Variants in FNBP1 observed in about 807,000 individuals in gnomAD.
The protein encoded by FNBP1 is formin binding protein 1, also known as formin-binding protein 1.
Under a neutral mutation model 90.6 loss-of-function variants are expected in FNBP1, and 26 were observed. The observed-to-expected ratio is 0.29, with a 90% CI of 0.21 to 0.40. The LOEUF is 0.40. Among genes scored for constraint, FNBP1 ranks in the 10% least tolerant of loss-of-function variants. The probability of loss-of-function intolerance (pLI) is 1.00; values close to 1 mark genes in which losing one functional copy is unlikely to be tolerated. For missense variants in FNBP1, 635 were observed against 768.0 expected, an observed-to-expected ratio of 0.83 and a Z score of 2.05; for synonymous variants, 260 against 265.2, an observed-to-expected ratio of 0.98 and a Z score of 0.19.
Position 129,890,454 on chromosome 9 carries a change from C to A in FNBP1, c.*85G>T, listed in dbSNP as rs1435858979. The A allele has an allele frequency of 2.6e-6, 3 of 1,161,844 alleles. No individual in the cohort carries two copies. The highest frequency in any genetic ancestry group is 1.5e-5 in the African/African-American group (1 of 65,360). 72.0% of individuals were successfully genotyped at this position (1,161,844 alleles called of 1,614,324 possible). On this transcript the variant is annotated 3_prime_UTR_variant, in exon 17 of 17. Coordinates refer to ENST00000446176, the MANE Select transcript of FNBP1 (RefSeq NM_015033.3). This position sits in a 1 kb window ranked among gnomAD's most constrained non-coding sequence, Gnocchi z 5.8. ...GGGCTGCGGAGGGGTGGGCTGTCCA[C>A]AGGGCAGGGCGCTGGAGGCCTGTGG...
intron 1 of FNBP1, among the ~76,000 whole-genome samples, chr9:130,001,483 A>G (rs1276193292): frequency 6.6e-6 from 1 of 152,212 alleles, no homozygotes; most frequent in Non-Finnish European, 1.5e-5. Flanking sequence ...ACAATCCTTA[A>G]TAAAATAGTT....
intron 11 of FNBP1, 86 bp from the exon 12 acceptor site, chr9:129,909,085 G>GT (rs397720872): frequency 2.3e-6 from 2 of 869,146 alleles, no homozygotes; most frequent in African/African-American, 1.6e-5. Context: ...AGCCATGGGG[G>GT]GTGCAGACAT....
At chr9:129,969,408 C>A (rs1168339845) in intron 4 of FNBP1, among the ~76,000 whole-genome samples, 1 of 152,128 alleles carries the variant, frequency 6.6e-6, no homozygotes, top group East Asian at 1.9e-4. Flanking sequence ...ATGCAAACAG[C>A]TTTGGAAGTA....
chr9:129,929,292 C>T (rs2042367989), intron 7 of FNBP1, among the ~76,000 whole-genome samples: 1 of 151,250 alleles, frequency 6.6e-6, no homozygotes, highest in Admixed American at 6.6e-5. Context: ...TGCCTGTAGT[C>T]CCAGCTACTC....
Position 129,900,014 on chromosome 9 carries a change from C to A in FNBP1, c.1638G>T (p.Glu546Asp), listed in dbSNP as rs780658536. ...ATDFDDEFDD[E>D]EPLPAIGTCK... ...ACGTCCCTATGGCAGGGAGGGGCTC[C>A]TCATCATCAAACTCGTCGTCAAAAT... The change falls in exon 15 of 17, where the codon GAG (glutamate) becomes GAT (aspartate). Residue 546 changes from glutamate to aspartate, a missense_variant. Physicochemically the swap from Glu to Asp is conservative, Grantham distance 45. Coordinates refer to ENST00000446176, the MANE Select transcript of FNBP1 (RefSeq NM_015033.3). This position sits in a 1 kb window ranked among gnomAD's most constrained non-coding sequence, Gnocchi z 4.1. 2 of 1,613,352 alleles carry A rather than the reference C, an allele frequency of 1.2e-6. No individual in the cohort carries two copies. Among genetic ancestry groups the A allele is most frequent in the Admixed American group, 1.7e-5 (1 of 59,936 alleles).
intron 1 of FNBP1, among the ~76,000 whole-genome samples, chr9:130,033,751 G>C (rs2059020739): frequency 6.6e-6 from 1 of 151,808 alleles, no homozygotes; most frequent in African/African-American, 2.4e-5. Context: ...ACAGAATTTT[G>C]GGAGGCCGAG....
the FNBP1 span, among the ~76,000 whole-genome samples, chr9:130,051,243 C>T: frequency 6.6e-6 from 1 of 151,768 alleles, no homozygotes; most frequent in Non-Finnish European, 1.5e-5. Context: ...CACCATGTTG[C>T]CCAGGCTGGT....
At chr9:129,959,354 G>T (rs2047442973) in intron 4 of FNBP1, among the ~76,000 whole-genome samples, 1 of 152,102 alleles carries the variant, frequency 6.6e-6, no homozygotes, top group African/African-American at 2.4e-5. Flanking sequence ...ACTTTGGGAG[G>T]CTGAAGTGGG....
In FNBP1 at chr9:129,929,748, T is replaced by C. The variant is rs1053183223; in HGVS notation, c.514-53A>G. 10 of 1,585,128 alleles carry C rather than the reference T, an allele frequency of 6.3e-6. No individual in the cohort carries two copies. The African/African-American group carries it at 6.7e-5, about 11-fold the overall frequency. On this transcript the variant is annotated intron_variant, in intron 6 of 16. Coordinates refer to ENST00000446176, the MANE Select transcript of FNBP1 (RefSeq NM_015033.3). ...CGTTTATACACCATAGATAAAAGCC[T>C]GGGTGCAATCAATAAAAGCCTAGAA...
At position 129,890,661 on chromosome 9, in the gene FNBP1, GTGGGAGGGGAGGGA is replaced by G. The variant is rs2035015614; in HGVS notation, c.1847-129_1847-116del. 5.6e-6 allele frequency: 4 copies of G among 712,816 alleles called. No homozygotes were observed. The highest frequency in any genetic ancestry group is 1.0e-5 in the Non-Finnish European group (4 of 395,862). The allele number at this position is 712,816 out of a possible 1,614,324, so 44.2% of individuals were successfully genotyped here. The stretch of plus-strand genomic sequence containing the variant: ...TGCACCGCCCTGGGAGGGGAGGGTA[GTGGGAGGGGAGGGA>G]TGGGAGGGGGCGTCTTAGAGCAATC... On this transcript the variant is annotated intron_variant, in intron 16 of 16. Transcript: ENST00000446176. The surrounding 1 kb of genome is among the most constrained non-coding windows in gnomAD (Gnocchi z 5.8).
rs891558977 is a variant in FNBP1 at position 129,889,606 on chromosome 9, G to C, written c.*933C>G. On this transcript the variant is annotated 3_prime_UTR_variant, in exon 17 of 17. Coordinates refer to ENST00000446176, the MANE Select transcript of FNBP1 (RefSeq NM_015033.3). Reference sequence around the variant, plus strand: ...AAAAAACAACAACAAAAAAGGAAGTGCTACCCTTTTCAGATGCTAATCCTG... The same window carrying C: ...AAAAAACAACAACAAAAAAGGAAGTCCTACCCTTTTCAGATGCTAATCCTG... The C allele has an allele frequency of 4.5e-6, 1 of 221,698 alleles. No homozygotes were observed. The highest frequency in any genetic ancestry group is 9.0e-6 in the Non-Finnish European group (1 of 110,938). The allele number at this position is 221,698 out of a possible 1,614,324, so 13.7% of individuals were successfully genotyped here.
chr9:129,980,836 G>A (rs897581150), intron 2 of FNBP1, among the ~76,000 whole-genome samples: 4 of 151,798 alleles, frequency 2.6e-5, no homozygotes, highest in Non-Finnish European at 5.9e-5. Flanking sequence ...TGGATCACGA[G>A]GTCAGGAGAT....
intron 15 of FNBP1, among the ~76,000 whole-genome samples, chr9:129,898,059 A>G (rs1437384094): frequency 6.6e-6 from 1 of 151,104 alleles, no homozygotes; most frequent in African/African-American, 2.4e-5. Flanking sequence ...AGAACTCCTG[A>G]CCTCAGGTGA....
At chr9:130,008,511 G>A (rs1762534796) in intron 1 of FNBP1, among the ~76,000 whole-genome samples, 1 of 152,098 alleles carries the variant, frequency 6.6e-6, no homozygotes, top group African/African-American at 2.4e-5. Flanking sequence ...ACTGTGTTTG[G>A]CTGCATCAAC....
chr9:130,047,779 G>A (rs1042609537), upstream of FNBP1, among the ~76,000 whole-genome samples: 3 of 152,142 alleles, frequency 2.0e-5, no homozygotes, highest in Non-Finnish European at 4.4e-5. Flanking sequence ...ATAGATGGCT[G>A]TGTGGTTAGA....
In FNBP1 at chr9:129,927,348, C is replaced by G. The variant is rs371446489; in HGVS notation, c.643-7G>C. ...CCTCCATCTCTTGTATTTTCTGCAA[C>G]ATTAGATTTTGTATAAAGTAAGTTT... is the stretch of plus-strand genomic sequence containing the variant. On this transcript the variant is annotated splice_region_variant and splice_polypyrimidine_tract_variant and intron_variant, in intron 7 of 16. Coordinates refer to ENST00000446176, the MANE Select transcript of FNBP1 (RefSeq NM_015033.3). 1 of 1,607,162 alleles carries G rather than the reference C, an allele frequency of 6.2e-7. No homozygotes were observed. The highest frequency in any genetic ancestry group is 1.3e-5 in the African/African-American group (1 of 74,790).
At chr9:130,024,404 A>C (rs2058143507) in intron 1 of FNBP1, among the ~76,000 whole-genome samples, 1 of 152,188 alleles carries the variant, frequency 6.6e-6, no homozygotes, top group African/African-American at 2.4e-5. Context: ...GAGCTCTGAC[A>C]GTGCCTGGGT....
At chr9:129,901,743 C>G (rs2036983286) in intron 13 of FNBP1, among the ~76,000 whole-genome samples, 1 of 152,054 alleles carries the variant, frequency 6.6e-6, no homozygotes, top group Non-Finnish European at 1.5e-5. Flanking sequence ...AAAACCCTGT[C>G]TCTACCAAAA....
intron 4 of FNBP1, among the ~76,000 whole-genome samples, chr9:129,965,269 T>G (rs2048384286): frequency 6.6e-6 from 1 of 152,216 alleles, no homozygotes; most frequent in Non-Finnish European, 1.5e-5. Flanking sequence ...TATTTTTACT[T>G]AGCAAGGCTT....
Sources: allele counts gnomAD v4.1 joint callset (sites outside exome capture counted in the v4.1 genomes callset), GRCh38; gene constraint gnomAD v4.1.1; non-coding constraint Gnocchi (gnomAD v3.1); transcripts MANE v1.5; gene names NCBI Gene and HGNC (gene_info 2026-07-23, HGNC 2026-07-21).